ALDH1L1: variants seen among roughly 807,000 people sequenced by gnomAD.
ALDH1L1 encodes cytosolic 10-formyltetrahydrofolate dehydrogenase.
A neutral mutation model predicts 101.1 loss-of-function variants in ALDH1L1; 68 were observed. The ratio of observed to expected loss-of-function variants is 0.67; its 90% CI spans 0.55 to 0.82. The LOEUF (loss-of-function observed/expected upper bound fraction) is 0.82, where lower values mean the gene tolerates loss of function less well. Ranked by LOEUF, ALDH1L1 falls within the 40% of genes least tolerant of loss-of-function variation. ALDH1L1 has a pLI of 0.00. For missense variants in ALDH1L1, 1,087 were observed against 1,172.7 expected, an observed-to-expected ratio of 0.93 and a Z score of 1.07; for synonymous variants, 486 against 470.8, an observed-to-expected ratio of 1.03 and a Z score of -0.42.
chr3:126,155,284 G>A, intron 5 of ALDH1L1, 118 bp downstream of exon 5: 1 of 846,916 alleles, frequency 1.2e-6, no homozygotes, highest in Non-Finnish European at 1.8e-6. Context: ...CCTGTGTTCT[G>A]GCCTCAAAGA....
At chr3:126,124,106 C>G (rs373807214) in intron 16 of ALDH1L1, among the ~76,000 whole-genome samples, 1 of 127,014 alleles carries the variant, frequency 7.9e-6, no homozygotes, top group Non-Finnish European at 1.7e-5. Flanking sequence ...TTCCAGGGCG[C>G]GCGGACACAC....
intron 21 of ALDH1L1, among the ~76,000 whole-genome samples, chr3:126,106,865 G>A (rs1019185358): frequency 5.3e-5 from 8 of 152,222 alleles, no homozygotes; most frequent in African/African-American, 1.7e-4. Flanking sequence ...AGAGCCCAGC[G>A]GGCTGTGAGA....
At chr3:126,107,022 G>C (rs1576404722) in intron 21 of ALDH1L1, 119 bp downstream of exon 21, 1 of 899,266 alleles carries the variant, frequency 1.1e-6, no homozygotes, top group African/African-American at 1.6e-5. Context: ...TCCACGGCTT[G>C]CGCCCTGCCT....
chr3:126,174,949 C>T (rs1168068352), intron 1 of ALDH1L1, among the ~76,000 whole-genome samples: 1 of 151,948 alleles, frequency 6.6e-6, no homozygotes, highest in Non-Finnish European at 1.5e-5. Flanking sequence ...ATCAACAAAA[C>T]CTAAAGCTGG....
At chr3:126,134,799 C>T (rs1055321708) in intron 12 of ALDH1L1, among the ~76,000 whole-genome samples, 4 of 152,184 alleles carry the variant, frequency 2.6e-5, no homozygotes, top group African/African-American at 9.7e-5. Context: ...TTCCCAGGAC[C>T]CCAGCGAAAG....
At chr3:126,174,754 T>G (rs1205064218) in intron 1 of ALDH1L1, among the ~76,000 whole-genome samples, 1 of 152,144 alleles carries the variant, frequency 6.6e-6, no homozygotes, top group Non-Finnish European at 1.5e-5. Flanking sequence ...GCTAAAGTAG[T>G]GTTTAGAGGG....
At chr3:126,187,470 G>C (rs1482003959) in intron 1 of ALDH1L1, among the ~76,000 whole-genome samples, 2 of 152,096 alleles carry the variant, frequency 1.3e-5, no homozygotes, top group South Asian at 4.1e-4. Flanking sequence ...CTCCCGAGGT[G>C]GGATGCAGGA....
chr3:126,171,693 C>T (rs1234321318), intron 1 of ALDH1L1, among the ~76,000 whole-genome samples: 1 of 152,110 alleles, frequency 6.6e-6, no homozygotes, highest in Non-Finnish European at 1.5e-5. Flanking sequence ...AACTATTATA[C>T]CAGAGCCTAA....
intron 14 of ALDH1L1, 135 bp downstream of exon 14, chr3:126,130,088 G>GTAGAT: frequency 1.4e-6 from 1 of 725,612 alleles, no homozygotes; most frequent in Non-Finnish European, 2.0e-6. Flanking sequence ...TGGAGCAGGT[G>GTAGAT]CTCAAGAAGC....
chr3:126,139,326 A>G (rs1221896261), intron 9 of ALDH1L1, among the ~76,000 whole-genome samples: 1 of 152,274 alleles, frequency 6.6e-6, no homozygotes, highest in African/African-American at 2.4e-5. Flanking sequence ...TTCAACGACA[A>G]CACACAATAA....
intron 12 of ALDH1L1, among the ~76,000 whole-genome samples, chr3:126,131,954 G>C (rs2080317598): frequency 6.6e-6 from 1 of 152,240 alleles, no homozygotes; most frequent in African/African-American, 2.4e-5. Context: ...TAAACCAACT[G>C]TTCAGTCCAG....
rs1056913857 is a variant in ALDH1L1 at position 126,115,966 on chromosome 3, G to A, written c.1983-1310C>T. Reference sequence around the variant, plus strand: ...CAGCTTACTGTAACCTCCGCCTTCCGGATTCAAGCGATTCTCCTGCCTCAG... The same window carrying A: ...CAGCTTACTGTAACCTCCGCCTTCCAGATTCAAGCGATTCTCCTGCCTCAG... On this transcript the variant is annotated intron_variant, in intron 17 of 22. Coordinates refer to ENST00000393434, the MANE Select transcript of ALDH1L1 (RefSeq NM_012190.4). Among the ~76,000 whole-genome samples, 27 of 151,648 alleles carry A rather than the reference G, an allele frequency of 1.8e-4. 1 individual carries two copies. The highest frequency in any genetic ancestry group is 1.6e-3 in the Admixed American group (24 of 15,228).
intron 1 of ALDH1L1, among the ~76,000 whole-genome samples, chr3:126,178,396 G>A (rs148724740): frequency 0.016 from 1,972 of 120,976 alleles, 3 homozygotes; most frequent in African/African-American, 0.02. Flanking sequence ...AAAAAAAAAA[G>A]AAAAAAAAAA....
At chr3:126,110,419 A>G (rs1299929338) in intron 19 of ALDH1L1, 6 of 391,878 alleles carry the variant, frequency 1.5e-5, no homozygotes, top group East Asian at 4.9e-5. Context: ...ATGGGGCTCA[A>G]TACAACACGT....
At chr3:126,189,793 A>G (rs1184385089) in intron 1 of ALDH1L1, among the ~76,000 whole-genome samples, 1 of 152,220 alleles carries the variant, frequency 6.6e-6, no homozygotes, top group African/African-American at 2.4e-5. Context: ...CAGGCCTCCA[A>G]TAACTACTAC....
Position 126,131,404 on chromosome 3 carries a change from C to T in ALDH1L1, c.1603G>A (p.Gly535Ser). Residue 535 changes from glycine to serine, a missense_variant, in exon 13 of 23, where the codon GGC becomes AGC. Coordinates refer to ENST00000393434, the MANE Select transcript of ALDH1L1 (RefSeq NM_012190.4). Reference protein sequence around the residue: ...MSIQTFRYFAGWCDKIQGSTI... With the variant: ...MSIQTFRYFASWCDKIQGSTI... Reference sequence around the variant, plus strand: ...CCCACCTGGATCTTGTCACACCAGCCAGCAAAGTAGCGGAAGGTCTGGATG... The same window carrying T: ...CCCACCTGGATCTTGTCACACCAGCTAGCAAAGTAGCGGAAGGTCTGGATG... 6.2e-7 allele frequency: 1 copy of T among 1,606,204 alleles called. No individual in the cohort carries two copies. The highest frequency in any genetic ancestry group is 8.5e-7 in the Non-Finnish European group (1 of 1,173,632).
chr3:126,111,209 T>C (rs1946067070), intron 19 of ALDH1L1, among the ~76,000 whole-genome samples: 2 of 152,236 alleles, frequency 1.3e-5, no homozygotes, highest in Admixed American at 1.3e-4. Flanking sequence ...TAGAGTCTGT[T>C]TCCTCACCCC....
At chr3:126,171,493 C>G (rs1349939977) in intron 1 of ALDH1L1, among the ~76,000 whole-genome samples, 2 of 151,948 alleles carry the variant, frequency 1.3e-5, no homozygotes, top group African/African-American at 4.8e-5. Flanking sequence ...CTAACTTGGC[C>G]AGAAGGCTCC....
At position 126,137,907 on chromosome 3, in the gene ALDH1L1, T is replaced by A. The variant is rs763224819; in HGVS notation, c.1130A>T (p.Asp377Val). ...LCDGLELENEDVYMASTFGDF... is the reference protein window; with the variant it reads ...LCDGLELENEVVYMASTFGDF... ...CCCAAAGGTGGATGCCATGTACACA[T>A]CTTCATTTTCTAACTCCAGGCCATC... The change falls in exon 10 of 23, where the codon GAT becomes GTT. Residue 377 changes from aspartate (D) to valine (V), a missense_variant. Coordinates refer to ENST00000393434, the MANE Select transcript of ALDH1L1 (RefSeq NM_012190.4). 6.2e-7 allele frequency: 1 copy of A among 1,614,096 alleles called. No individual in the cohort carries two copies. The highest frequency in any genetic ancestry group is 8.5e-7 in the Non-Finnish European group (1 of 1,179,988).
Sources: gnomAD v4.1 joint callset for allele counts (sites outside exome capture counted in the v4.1 genomes callset) on GRCh38, gnomAD v4.1.1 for gene constraint, MANE v1.5 for transcripts, NCBI Gene and HGNC (gene_info 2026-07-23, HGNC 2026-07-21) for gene names.